NCAPH2: variants seen among roughly 807,000 people sequenced by gnomAD.
The protein encoded by NCAPH2 is non-SMC condensin II complex subunit H2, also known as condensin-2 complex subunit H2.
In NCAPH2, 56 loss-of-function variants were observed where a neutral mutation model predicts 88.6. That is an observed-to-expected ratio of 0.63 (90% CI 0.51 to 0.79). NCAPH2 has a LOEUF of 0.79. Ranked by LOEUF, NCAPH2 falls within the 30% of genes least tolerant of loss-of-function variation. The pLI is 0.00. For missense variants in NCAPH2, 794 were observed against 792.0 expected (o/e 1.00, Z -0.03); for synonymous variants, 378 against 313.6 (o/e 1.21, Z -2.17).
intron 2 of NCAPH2, 94 bp downstream of exon 2, chr22:50,516,642 T>G: frequency 9.3e-7 from 1 of 1,078,476 alleles, no homozygotes; most frequent in South Asian, 1.3e-5. Context: ...TCGTCCCGTC[T>G]GTGACCTACC....
rs1473905205 is a variant in NCAPH2 at position 50,521,612 on chromosome 22, A to G, written c.1000+3A>G. On this transcript the variant is annotated splice_donor_region_variant and intron_variant, in intron 11 of 19. Coordinates refer to ENST00000420993, the MANE Select transcript of NCAPH2 (RefSeq NM_152299.4). The stretch of plus-strand genomic sequence containing the variant: ...GGAGTCTAAGCCCTTCAAGAAAGGT[A>G]ATTGGGTGGAAGGTACCTCCACTCA... 1 of 1,613,604 alleles carries G rather than the reference A, an allele frequency of 6.2e-7. No individual in the cohort carries two copies. Among genetic ancestry groups the G allele is most frequent in the Non-Finnish European group, 8.5e-7 (1 of 1,179,952 alleles).
chr22:50,514,143 G>A (rs8137797), intron 1 of NCAPH2, among the ~76,000 whole-genome samples: 6,205 of 152,226 alleles, frequency 0.041, 191 homozygotes, highest in Middle Eastern at 0.12. Flanking sequence ...AAGGTTCCAA[G>A]TTGGGACCAT....
chr22:50,523,127 C>T lies in NCAPH2; in HGVS notation c.1638C>T (p.Ala546=). 5 of 1,613,626 alleles carry T rather than the reference C, an allele frequency of 3.1e-6. No individual in the cohort carries two copies. The highest frequency in any genetic ancestry group is 1.6e-4 in the Middle Eastern group (1 of 6,062). ...CGGAGCTGGTGGCTGGCCAGCCGGCCTTCGAGGTGTGTCGTTCCATGCTGG... is the reference window on the plus strand; with the variant it reads ...CGGAGCTGGTGGCTGGCCAGCCGGCTTTCGAGGTGTGTCGTTCCATGCTGG... The part of the protein sequence containing the change: ...PFAELVAGQP[A]FEVCRSMLAS... The change falls in exon 19 of 20, where the codon GCC becomes GCT. Residue 546 remains alanine (A), a synonymous_variant. Transcript: ENST00000420993.
At chr22:50,515,023 C>G (rs556532879) in intron 1 of NCAPH2, among the ~76,000 whole-genome samples, 4 of 152,360 alleles carry the variant, frequency 2.6e-5, no homozygotes, top group African/African-American at 9.6e-5. Flanking sequence ...TTGACATTAT[C>G]TATGCATGTG....
rs942534351 is a variant in NCAPH2 at position 50,524,654 on chromosome 22, A to G, written c.*1279A>G. Reference sequence around the variant, plus strand: ...CTCTACCTGGGATCACCAGCCTGTCACCGCACCCTGCCCTGCACCTGCACC... The same window carrying G: ...CTCTACCTGGGATCACCAGCCTGTCGCCGCACCCTGCCCTGCACCTGCACC... On this transcript the variant is annotated 3_prime_UTR_variant, in exon 20 of 20. Transcript: ENST00000420993. 4 of 694,614 alleles carry G rather than the reference A, an allele frequency of 5.8e-6. No individual in the cohort carries two copies. Among genetic ancestry groups the G allele is most frequent in the Non-Finnish European group, 1.1e-5 (4 of 370,752 alleles). 43.0% of individuals were successfully genotyped at this position (694,614 alleles called of 1,614,324 possible). A position where few individuals can be genotyped will look rare whatever the true frequency, so the allele number is the denominator to read the frequency against.
At chr22:50,520,044 G>T (rs978504899) in intron 9 of NCAPH2, among the ~76,000 whole-genome samples, 1 of 151,682 alleles carries the variant, frequency 6.6e-6, no homozygotes, top group Non-Finnish European at 1.5e-5. Flanking sequence ...CTAATTTTTT[G>T]TATTTTTAGT....
intron 2 of NCAPH2, 55 bp from the exon 3 acceptor site, chr22:50,517,372 C>T (rs1429917167): frequency 1.9e-6 from 3 of 1,586,304 alleles, no homozygotes; most frequent in East Asian, 4.5e-5. Context: ...GCTGGGAAGG[C>T]CTTGGGGGTG....
chr22:50,518,863 G>A, intron 8 of NCAPH2, 131 bp downstream of exon 8: 1 of 946,550 alleles, frequency 1.1e-6, no homozygotes, highest in Non-Finnish European at 1.5e-6. Flanking sequence ...TGGCCCATGG[G>A]AGTGAGGCCT....
chr22:50,516,335 T>C, intron 1 of NCAPH2, 112 bp from the exon 2 acceptor site: 1 of 893,616 alleles, frequency 1.1e-6, no homozygotes, highest in South Asian at 1.5e-5. Flanking sequence ...TAGCTAGAGC[T>C]GCCCGTCTCG....
At chr22:50,521,963 G>A in intron 12 of NCAPH2, 23 bp from the exon 13 acceptor site, 1 of 1,613,870 alleles carries the variant, frequency 6.2e-7, no homozygotes, top group Non-Finnish European at 8.5e-7. Context: ...GGCCTGGCTG[G>A]TGCTGAGCAT....
rs774783982 is a variant in NCAPH2, at chr22:50,524,365, T to A, written c.*990T>A. On this transcript the variant is annotated 3_prime_UTR_variant, in exon 20 of 20. Transcript: ENST00000420993. The stretch of plus-strand genomic sequence containing the variant: ...CCCAGGGAGGACCCGAGGCTTGAGC[T>A]GAGAGAGCCTGTGCCAAGCTGTGGG... 1 of 1,602,390 alleles carries A rather than the reference T, an allele frequency of 6.2e-7. No individual in the cohort carries two copies. The highest frequency in any genetic ancestry group is 8.5e-7 in the Non-Finnish European group (1 of 1,179,886).
At chr22:50,520,236 G>T (rs548621314) in intron 9 of NCAPH2, among the ~76,000 whole-genome samples, 1 of 151,790 alleles carries the variant, frequency 6.6e-6, no homozygotes, top group Non-Finnish European at 1.5e-5. Flanking sequence ...TACTAGCAGG[G>T]TTTATTTTTA....
In NCAPH2 at chr22:50,524,414, A is replaced by T. The variant is rs755660351; in HGVS notation, c.*1039A>T. 2 of 1,607,740 alleles carry T rather than the reference A, an allele frequency of 1.2e-6. No individual in the cohort carries two copies. The highest frequency in any genetic ancestry group is 1.7e-5 in the Admixed American group (1 of 59,996). On this transcript the variant is annotated 3_prime_UTR_variant, in exon 20 of 20. Coordinates refer to ENST00000420993, the MANE Select transcript of NCAPH2 (RefSeq NM_152299.4). The stretch of plus-strand genomic sequence containing the variant: ...GGGCTCCGAGTCAGCAGCAGCATGG[A>T]TCTGATGCTCCTGGAAACAAGCACA...
At position 50,521,535 on chromosome 22, in the gene NCAPH2, G is replaced by A; in HGVS notation, c.934-8G>A. The stretch of plus-strand genomic sequence containing the variant: ...CTTCTCCAGCGCCTTCTTGTGCTCT[G>A]TGCCCAGGAGACTCCAGACCCCTGG... On this transcript the variant is annotated splice_polypyrimidine_tract_variant and splice_region_variant and intron_variant, in intron 10 of 19. Transcript: ENST00000420993. 1 of 1,613,504 alleles carries A rather than the reference G, an allele frequency of 6.2e-7. No homozygotes were observed. Among genetic ancestry groups the A allele is most frequent in the South Asian group, 1.1e-5 (1 of 91,090 alleles).
chr22:50,512,527 CT>C (rs1034516234), intron 1 of NCAPH2, among the ~76,000 whole-genome samples: 21 of 145,124 alleles, frequency 1.4e-4, no homozygotes, highest in Non-Finnish European at 2.6e-4. Flanking sequence ...TGTTCTTTTT[CT>C]TTTTTTTGTC....
At position 50,517,647 on chromosome 22, in the gene NCAPH2, G is replaced by A; in HGVS notation, c.337G>A (p.Glu113Lys). The A allele has an allele frequency of 6.2e-7, 1 of 1,614,162 alleles. No individual in the cohort carries two copies. The highest frequency in any genetic ancestry group is 8.5e-7 in the Non-Finnish European group (1 of 1,180,040). ...NGVASSGVPQ[E>K]AENEFLSLDD... ...GGTTGCCAGCTCCGGGGTCCCCCAG[G>A]AGGCAGAGAATGAGGTGAGTTTCTT... The change falls in exon 4 of 20, where the codon GAG becomes AAG. Residue 113 changes from glutamate to lysine, a missense_variant. Coordinates refer to ENST00000420993, the MANE Select transcript of NCAPH2 (RefSeq NM_152299.4).
Position 50,523,919 on chromosome 22 carries a change from T to C in NCAPH2, c.*544T>C. On this transcript the variant is annotated 3_prime_UTR_variant, in exon 20 of 20. Transcript: ENST00000420993. Reference sequence around the variant, plus strand: ...TCGTCCCGCTCGGGGTCCACAGTGATGAAGACAGGCTGCACTGGAGGCAAA... The same window carrying C: ...TCGTCCCGCTCGGGGTCCACAGTGACGAAGACAGGCTGCACTGGAGGCAAA... 6.2e-7 allele frequency: 1 copy of C among 1,613,480 alleles called. No homozygotes were observed. Among genetic ancestry groups the C allele is most frequent in the South Asian group, 1.1e-5 (1 of 91,080 alleles).
chr22:50,521,064 G>T (rs991976814), intron 10 of NCAPH2, 28 bp downstream of exon 10: 32 of 1,547,938 alleles, frequency 2.1e-5, no homozygotes, highest in Non-Finnish European at 2.4e-5. Flanking sequence ...CTGACCCCCG[G>T]CAGGGAGGGA....
chr22:50,522,058 G>A lies in NCAPH2; in HGVS notation c.1162+19G>A. ...TTTGCAGGTGAGGCTGAAGTCCTCG[G>A]GGAAGACAGTTTTACTCTCCTTCCC... On this transcript the variant is annotated intron_variant, in intron 13 of 19. Transcript: ENST00000420993. The A allele has an allele frequency of 3.7e-6, 6 of 1,613,998 alleles. No individual in the cohort carries two copies. The highest frequency in any genetic ancestry group is 1.1e-5 in the South Asian group (1 of 91,086).
Sources: allele counts gnomAD v4.1 joint callset (sites outside exome capture counted in the v4.1 genomes callset), GRCh38; gene constraint gnomAD v4.1.1; transcripts MANE v1.5; gene names NCBI Gene and HGNC (gene_info 2026-07-23, HGNC 2026-07-21).